Variants in ARFGEF1 observed in about 807,000 individuals in gnomAD.
ARFGEF1 encodes brefeldin A-inhibited guanine nucleotide-exchange protein 1.
ARFGEF1 carries 42 observed loss-of-function variants against 231.0 expected under a neutral mutation model. The ratio of observed to expected loss-of-function variants is 0.18; its 90% confidence interval spans 0.14 to 0.24. The LOEUF (loss-of-function observed/expected upper bound fraction) is 0.24. ARFGEF1 is among the 10% of genes least tolerant of loss of function. ARFGEF1 has a pLI of 1.00. For synonymous variants in ARFGEF1, 710 were observed against 732.3 expected (o/e 0.97, Z 0.49); for missense variants, 1,345 against 2,192.0 (o/e 0.61, Z 7.72).
intron 14 of ARFGEF1, among the ~76,000 whole-genome samples, chr8:67,261,289 C>A (rs1234005326): frequency 6.6e-6 from 1 of 152,210 alleles, no homozygotes; most frequent in South Asian, 2.1e-4. Context: ...GAAGTTAATG[C>A]CTGGCTTCAA....
chr8:67,212,442 G>A (rs551275421), intron 33 of ARFGEF1, among the ~76,000 whole-genome samples: 2 of 152,302 alleles, frequency 1.3e-5, no homozygotes, highest in African/African-American at 4.8e-5. Context: ...CCTGAGGTGA[G>A]GTTTTCTGAT....
In ARFGEF1 at chr8:67,228,078, G is replaced by A. The variant is rs1347785695; in HGVS notation, c.3476C>T (p.Thr1159Ile). The A allele has an allele frequency of 1.2e-6, 2 of 1,610,072 alleles. No individual in the cohort carries two copies. Among genetic ancestry groups the A allele is most frequent in the South Asian group, 1.1e-5 (1 of 90,220 alleles). Residue 1159 changes from threonine to isoleucine, a missense_variant, in exon 25 of 39, where the codon ACA (threonine) becomes ATA (isoleucine). Thr to Ile is a moderately conservative substitution (Grantham distance 89). This residue lies in a region of ARFGEF1 where 146 missense variants were observed against 321.4 expected (regional missense o/e 0.45). Transcript: ENST00000262215. ...TTGTAGACTAAACATTCTTGGGTGT[G>A]TCGTGGAAAGTAATTCATCCATAGA... is the stretch of plus-strand genomic sequence containing the variant. ...AVSMDELLST[T>I]HPRMFSLQKI... is the part of the protein sequence containing the mutation.
At chr8:67,324,804 A>G (rs1289609425) in intron 1 of ARFGEF1, among the ~76,000 whole-genome samples, 2 of 152,236 alleles carry the variant, frequency 1.3e-5, no homozygotes, top group African/African-American at 2.4e-5. Flanking sequence ...GTGAAGACTA[A>G]AAAGTATTTA....
At chr8:67,223,065 C>T (rs1839255446) in intron 29 of ARFGEF1, among the ~76,000 whole-genome samples, 3 of 152,216 alleles carry the variant, frequency 2.0e-5, no homozygotes. Context: ...AGAGAACATA[C>T]TCCTGTCATT....
rs771522851 is a variant in ARFGEF1, at chr8:67,266,059, T to A, written c.2070A>T (p.Glu690Asp). The A allele has an allele frequency of 6.2e-7, 1 of 1,613,928 alleles. No individual in the cohort carries two copies. The highest frequency in any genetic ancestry group is 1.1e-5 in the South Asian group (1 of 91,068). The change falls in exon 14 of 39, where the codon GAA (glutamate) becomes GAT (aspartate). Residue 690 changes from glutamate to aspartate, a missense_variant. Physicochemically the swap from Glu to Asp is conservative, Grantham distance 45. Coordinates refer to ENST00000262215, the MANE Select transcript of ARFGEF1 (RefSeq NM_006421.5). ...TTTGTTGCTTTAGGACCTCAAATTG[T>A]TCTGGATTATCAGTGCCAGACATCT... ...STQMSGTDNPEQFEVLKQQKE... is the reference protein window; with the variant it reads ...STQMSGTDNPDQFEVLKQQKE...
At chr8:67,281,127 A>G (rs542104487) in intron 7 of ARFGEF1, among the ~76,000 whole-genome samples, 120 of 152,182 alleles carry the variant, frequency 7.9e-4, no homozygotes, top group African/African-American at 2.8e-3. Flanking sequence ...ACTAAAAAAT[A>G]TTTGCAAAAT....
In ARFGEF1 at chr8:67,267,233, G is replaced by C. The variant is rs200866284; in HGVS notation, c.1673-3C>G. ...AATATCCACTACACTCTGAGCATCT[G>C]TAACAATATAACATTAATTTCAACA... On this transcript the variant is annotated splice_region_variant and splice_polypyrimidine_tract_variant and intron_variant, in intron 11 of 38. Coordinates refer to ENST00000262215, the MANE Select transcript of ARFGEF1 (RefSeq NM_006421.5). 1 of 1,611,612 alleles carries C rather than the reference G, an allele frequency of 6.2e-7. No homozygotes were observed. Among genetic ancestry groups the C allele is most frequent in the Non-Finnish European group, 8.5e-7 (1 of 1,179,066 alleles).
At chr8:67,330,271 G>A (rs1218126925) in intron 1 of ARFGEF1, among the ~76,000 whole-genome samples, 1 of 151,922 alleles carries the variant, frequency 6.6e-6, no homozygotes, top group African/African-American at 2.4e-5. Context: ...TTCAATAAAG[G>A]TAGCCATATA....
In ARFGEF1 at chr8:67,198,611, A is replaced by G. The variant is rs891364987; in HGVS notation, c.*323T>C. 2.8e-6 allele frequency: 3 copies of G among 1,070,266 alleles called. No individual in the cohort carries two copies. Among genetic ancestry groups the G allele is most frequent in the African/African-American group, 3.4e-5 (2 of 58,528 alleles). The allele number at this position is 1,070,266 out of a possible 1,614,324, so 66.3% of individuals were successfully genotyped here. On this transcript the variant is annotated 3_prime_UTR_variant, in exon 39 of 39. Coordinates refer to ENST00000262215, the MANE Select transcript of ARFGEF1 (RefSeq NM_006421.5). ...GTAGAAGTTCAATCTTTACATCTAT[A>G]GTTCTTTGGGTAAGTTTCACTTCCA...
chr8:67,195,572 C>A (rs772464232), downstream of ARFGEF1: 17 of 1,613,978 alleles, frequency 1.1e-5, no homozygotes, highest in South Asian at 1.9e-4. Flanking sequence ...CTTGGCAGGG[C>A]CTGTCGACTG....
intron 5 of ARFGEF1, among the ~76,000 whole-genome samples, chr8:67,189,347 A>T (rs773318249): frequency 2.2e-4 from 33 of 152,330 alleles, no homozygotes; most frequent in Non-Finnish European, 4.0e-4. Context: ...ATAATTGCTA[A>T]AACTTGGAAG....
intron 1 of ARFGEF1, among the ~76,000 whole-genome samples, chr8:67,315,090 A>G (rs993511472): frequency 2.0e-5 from 3 of 152,230 alleles, no homozygotes; most frequent in Non-Finnish European, 2.9e-5. Flanking sequence ...AGATGGAAAA[A>G]GATATCAAAA....
intron 20 of ARFGEF1, among the ~76,000 whole-genome samples, chr8:67,239,452 G>A (rs1210606107): frequency 6.6e-6 from 1 of 151,788 alleles, no homozygotes; most frequent in Admixed American, 6.6e-5. Flanking sequence ...GATGCATGAA[G>A]CAGAAACGAC....
At chr8:67,181,099 A>G (rs1322890282) in intron 5 of ARFGEF1, among the ~76,000 whole-genome samples, 71 of 151,790 alleles carry the variant, frequency 4.7e-4, no homozygotes, top group Non-Finnish European at 5.9e-5. Context: ...GTGCAGCAGC[A>G]CAATCATTGC....
intron 3 of ARFGEF1, among the ~76,000 whole-genome samples, chr8:67,300,577 G>C (rs1006329591): frequency 6.6e-6 from 1 of 150,516 alleles, no homozygotes; most frequent in African/African-American, 2.5e-5. Context: ...CCAGTACTTT[G>C]GGAGGCCAAG....
At position 67,190,674 on chromosome 8, in the gene ARFGEF1, C is replaced by T. The variant is rs199738369; in HGVS notation, c.560+9722G>A. 45 of 1,613,864 alleles carry T rather than the reference C, an allele frequency of 2.8e-5. No individual in the cohort carries two copies. Among genetic ancestry groups the T allele is most frequent in the Non-Finnish European group, 3.7e-5 (44 of 1,179,902 alleles). ...GGGGCTTACGGTGAGACATATCCTG[C>T]CATTGAAGATGACGTCCTCCCTCCA... On this transcript the variant is annotated intron_variant, in intron 5 of 5. Transcript: ENST00000518789.
chr8:67,282,522 A>G (rs570540363), intron 7 of ARFGEF1, among the ~76,000 whole-genome samples: 2 of 152,290 alleles, frequency 1.3e-5, no homozygotes, highest in South Asian at 4.1e-4. Context: ...ATAATCTTAA[A>G]AATTTTTTTT....
chr8:67,211,364 A>G (rs1029493568), intron 34 of ARFGEF1, 119 bp downstream of exon 34: 3 of 662,128 alleles, frequency 4.5e-6, no homozygotes, highest in Non-Finnish European at 4.4e-6. Flanking sequence ...AAAAAAAAAA[A>G]AGAAGTGATG....
intron 18 of ARFGEF1, among the ~76,000 whole-genome samples, chr8:67,252,823 C>T (rs2128885880): frequency 6.6e-6 from 1 of 152,300 alleles, no homozygotes; most frequent in East Asian, 1.9e-4. Flanking sequence ...TCTATGAGCT[C>T]TCACCTGATC....
Sources: gnomAD v4.1 joint callset for allele counts (sites outside exome capture counted in the v4.1 genomes callset) on GRCh38, gnomAD v4.1.1 for gene constraint, gnomAD v4.1.1 regional missense constraint, MANE v1.5 for transcripts, NCBI Gene and HGNC (gene_info 2026-07-23, HGNC 2026-07-21) for gene names.